TAF4B: variants seen among roughly 807,000 people sequenced by gnomAD.
TAF4B encodes TATA-box binding protein associated factor 4b, also known as transcription initiation factor TFIID subunit 4B.
TAF4B carries 38 observed loss-of-function variants against 86.4 expected under a neutral mutation model. That is an observed-to-expected ratio of 0.44 (90% CI 0.34 to 0.58). TAF4B has a LOEUF of 0.58. Among genes scored for constraint, TAF4B ranks in the 20% least tolerant of loss-of-function variants. The pLI, the probability that TAF4B is intolerant of heterozygous loss-of-function variation, is 0.02. For missense variants in TAF4B, 988 were observed against 1,027.6 expected (o/e 0.96, Z 0.53); for synonymous variants, 388 against 391.2 (o/e 0.99, Z 0.10).
At position 26,321,197 on chromosome 18, in the gene TAF4B, C is replaced by A; in HGVS notation, c.2130C>A (p.Tyr710Ter). ...TTGCTCAGCATCGAATGACTACTTA[C>A]AAGGTAAAGGAAATCATTAAAGAAG... ...TAIAQHRMTT[Y>*]KASENYILCS... is the part of the protein sequence containing the mutation. The change falls in exon 11 of 15, where the codon TAC (tyrosine) becomes TAA (stop). Residue 710 changes from tyrosine (Y) to a stop codon, truncating the protein, a stop_gained. Transcript: ENST00000269142. LOFTEE classifies it high-confidence loss of function. 1 of 1,613,486 alleles carries A rather than the reference C, an allele frequency of 6.2e-7. No individual in the cohort carries two copies. The highest frequency in any genetic ancestry group is 8.5e-7 in the Non-Finnish European group (1 of 1,179,666).
rs554646382 is a variant in TAF4B at position 26,327,755 on chromosome 18, G to T, written c.2259+615G>T. Among the ~76,000 whole-genome samples the T allele has an allele frequency of 2.0e-5, 3 of 152,108 alleles. No homozygotes were observed. In the South Asian group the frequency reaches 6.2e-4, roughly 32 times the overall value. The stretch of plus-strand genomic sequence containing the variant: ...TGGCTAATTTTTTTTGTTGTTGTTG[G>T]TTTGTTTTTTAGTAGAGACAGGGTT... On this transcript the variant is annotated intron_variant, in intron 12 of 14. Transcript: ENST00000269142.
At chr18:26,328,251 C>A (rs2057021807) in intron 12 of TAF4B, among the ~76,000 whole-genome samples, 1 of 152,102 alleles carries the variant, frequency 6.6e-6, no homozygotes, top group Non-Finnish European at 1.5e-5. Context: ...GAGATCGAGA[C>A]TATCCTGGCC....
chr18:26,347,876 AAT>A (rs1392895681), intron 13 of TAF4B, among the ~76,000 whole-genome samples: 3 of 152,264 alleles, frequency 2.0e-5, no homozygotes, highest in African/African-American at 7.2e-5. Context: ...AACAATTGTG[AAT>A]ATATATGTGT....
intron 7 of TAF4B, among the ~76,000 whole-genome samples, chr18:26,287,262 C>T (rs73946358): frequency 0.015 from 2,299 of 152,262 alleles, 55 homozygotes; most frequent in African/African-American, 0.053. Flanking sequence ...ACTTAGACCT[C>T]CCAAAATGTT....
intron 6 of TAF4B, among the ~76,000 whole-genome samples, chr18:26,283,310 G>A (rs373363974): frequency 1.3e-5 from 2 of 152,198 alleles, no homozygotes; most frequent in African/African-American, 4.8e-5. Flanking sequence ...TATGTGGGCT[G>A]CAGAATGGAG....
chr18:26,278,825 A>G (rs1319098573), intron 5 of TAF4B, among the ~76,000 whole-genome samples: 2 of 152,156 alleles, frequency 1.3e-5, no homozygotes, highest in African/African-American at 4.8e-5. Context: ...GAAATGCTTA[A>G]TAGTGTAAGC....
chr18:26,289,749 T>C (rs1291192548), intron 7 of TAF4B, among the ~76,000 whole-genome samples: 1 of 152,220 alleles, frequency 6.6e-6, no homozygotes. Context: ...ACTATGGTTT[T>C]ATTTGGTGCT....
chr18:26,345,049 C>T (rs988012279), intron 13 of TAF4B, among the ~76,000 whole-genome samples: 1 of 152,174 alleles, frequency 6.6e-6, no homozygotes, highest in Admixed American at 6.5e-5. Flanking sequence ...GCCCTGAACC[C>T]AGTTTGGAGA....
chr18:26,339,042 G>A (rs544866648), intron 13 of TAF4B, among the ~76,000 whole-genome samples: 26 of 152,252 alleles, frequency 1.7e-4, no homozygotes, highest in African/African-American at 6.3e-4. Context: ...TAACCTGACA[G>A]GTTTTCTGTC....
At chr18:26,319,683 A>G (rs1218549685) in intron 10 of TAF4B, among the ~76,000 whole-genome samples, 1 of 152,012 alleles carries the variant, frequency 6.6e-6, no homozygotes, top group African/African-American at 2.4e-5. Flanking sequence ...TCCGCCTCCC[A>G]GGTACAAGTG....
chr18:26,274,473 T>TG (rs968908239), intron 3 of TAF4B, among the ~76,000 whole-genome samples, 190 bp from the exon 4 acceptor site: 6 of 152,150 alleles, frequency 3.9e-5, no homozygotes, highest in African/African-American at 1.4e-4. Context: ...AAATAGTAGA[T>TG]GGGGTGAGAA....
intron 1 of TAF4B, among the ~76,000 whole-genome samples, chr18:26,241,944 G>A (rs192101163): frequency 3.0e-3 from 459 of 152,348 alleles, no homozygotes; most frequent in African/African-American, 0.01. Context: ...CCTGTGGTCT[G>A]AGAGGCAGTT....
chr18:26,256,471 T>C, intron 1 of TAF4B: 1 of 638,096 alleles, frequency 1.6e-6, no homozygotes, highest in East Asian at 2.7e-5. Flanking sequence ...ACTCCAGTTT[T>C]GTTGATTTTT....
chr18:26,259,372 T>C (rs2056131791), intron 1 of TAF4B, among the ~76,000 whole-genome samples: 1 of 152,060 alleles, frequency 6.6e-6, no homozygotes, highest in Non-Finnish European at 1.5e-5. Flanking sequence ...GCCATGTTGG[T>C]GTGCTGCACC....
At chr18:26,267,691 C>G in intron 3 of TAF4B, 68 bp downstream of exon 3, 1 of 1,075,234 alleles carries the variant, frequency 9.3e-7, no homozygotes, top group Non-Finnish European at 1.4e-6. Context: ...TTAGCTATCT[C>G]CTGTTAGATA....
At position 26,267,623 on chromosome 18, in the gene TAF4B, A is replaced by C. The variant is rs758234112; in HGVS notation, c.597A>C (p.Gln199His). 6.2e-7 allele frequency: 1 copy of C among 1,608,872 alleles called. No individual in the cohort carries two copies. The highest frequency in any genetic ancestry group is 1.3e-5 in the African/African-American group (1 of 74,944). The stretch of plus-strand genomic sequence containing the variant: ...CTGTTCCGAAGCCTTCCTCAGTACA[A>C]GTAAGTTGTGCTGGCCATTCGTGCA... Reference protein sequence around the residue: ...VTTVPKPSSVQSVAVPTSVVT... With the variant: ...VTTVPKPSSVHSVAVPTSVVT... The change falls in exon 3 of 15, where the codon CAA becomes CAC. Residue 199 changes from glutamine (Q) to histidine (H), a missense_variant and splice_region_variant. By Grantham distance (24) the Gln-to-His change is conservative. Transcript: ENST00000269142.
intron 14 of TAF4B, among the ~76,000 whole-genome samples, chr18:26,373,463 T>G (rs929070364): frequency 1.3e-5 from 2 of 152,130 alleles, no homozygotes; most frequent in African/African-American, 4.8e-5. Flanking sequence ...ATTTTTAAAT[T>G]TAAAATGTTT....
chr18:26,234,997 T>C (rs2055727682), intron 1 of TAF4B, among the ~76,000 whole-genome samples: 2 of 152,238 alleles, frequency 1.3e-5, no homozygotes, highest in South Asian at 4.1e-4. Context: ...GCCAGTCTTT[T>C]ACTACTACAT....
chr18:26,230,277 T>G (rs4800249), intron 1 of TAF4B, among the ~76,000 whole-genome samples: 1 of 152,050 alleles, frequency 6.6e-6, no homozygotes, highest in Non-Finnish European at 1.5e-5. Flanking sequence ...AGTGTGAAAG[T>G]TACTTATGAA....
Sources: gnomAD v4.1 joint callset for allele counts (sites outside exome capture counted in the v4.1 genomes callset) on GRCh38, gnomAD v4.1.1 for gene constraint, MANE v1.5 for transcripts, NCBI Gene and HGNC (gene_info 2026-07-23, HGNC 2026-07-21) for gene names.